MMP24: variants seen among roughly 807,000 people sequenced by gnomAD.
MMP24 encodes matrix metalloproteinase-24.
Under a neutral mutation model 62.8 loss-of-function variants are expected in MMP24, and 25 were observed. The ratio of observed to expected loss-of-function variants is 0.40; its 90% CI spans 0.29 to 0.56. The LOEUF is 0.56. MMP24 is among the 20% of genes least tolerant of loss of function. MMP24 has a pLI of 0.50. For synonymous variants in MMP24, 319 were observed against 350.5 expected (o/e 0.91, Z 1.00); for missense variants, 634 against 853.6 (o/e 0.74, Z 3.21).
intron 2 of MMP24, among the ~76,000 whole-genome samples, 157 bp downstream of exon 2, chr20:35,247,145 G>A (rs1465014855): frequency 6.6e-6 from 1 of 152,092 alleles, no homozygotes; most frequent in East Asian, 1.9e-4. Context: ...GTGAGTTGGG[G>A]GTGTGCTGGG....
rs1012362027 is a variant in MMP24, at chr20:35,274,665, A to G, written c.*56A>G. 3 of 1,427,666 alleles carry G rather than the reference A, an allele frequency of 2.1e-6. No homozygotes were observed. In the Admixed American group the frequency reaches 6.5e-5, roughly 31 times the overall value. 88.4% of individuals were successfully genotyped at this position (1,427,666 alleles called of 1,614,324 possible). ...CTGGCCAGCCAGGCCCTTCCTCACC[A>G]GGGTCTGAGGGGCAGCTCTGGCCAG... is the stretch of plus-strand genomic sequence containing the variant. On this transcript the variant is annotated 3_prime_UTR_variant, in exon 9 of 9. Transcript: ENST00000246186. The surrounding 1 kb of genome is among the most constrained non-coding windows in gnomAD (Gnocchi z 5.1).
At chr20:35,243,414 GT>G (rs1394579718) in intron 1 of MMP24, among the ~76,000 whole-genome samples, 1 of 152,062 alleles carries the variant, frequency 6.6e-6, no homozygotes, top group Non-Finnish European at 1.5e-5. Flanking sequence ...TTTATTGTGG[GT>G]TTACTTGTCA....
At position 35,269,804 on chromosome 20, in the gene MMP24, C is replaced by T. The variant is rs1219754048; in HGVS notation, c.1239C>T (p.Gly413=). Residue 413 remains glycine (G), a synonymous_variant, in exon 7 of 9, where the codon GGC becomes GGT. Transcript: ENST00000246186. The surrounding 1 kb of genome is among the most constrained non-coding windows in gnomAD (Gnocchi z 4.6). ...WRLRNNRVQE[G]YPMQIEQFWK... is the part of the protein sequence containing the mutation. ...TGCGCAATAACCGAGTGCAGGAGGGCTACCCCATGCAGATCGAGCAGTTCT... is the reference window on the plus strand; with the variant it reads ...TGCGCAATAACCGAGTGCAGGAGGGTTACCCCATGCAGATCGAGCAGTTCT... The T allele has an allele frequency of 1.3e-6, 2 of 1,570,424 alleles. No individual in the cohort carries two copies. The highest frequency in any genetic ancestry group is 1.7e-6 in the Non-Finnish European group (2 of 1,158,118).
At chr20:35,250,642 G>A (rs986772628) in intron 2 of MMP24, among the ~76,000 whole-genome samples, 2 of 152,082 alleles carry the variant, frequency 1.3e-5, no homozygotes, top group African/African-American at 2.4e-5. Context: ...GTTGGCTCAG[G>A]GTTCCACAGG....
At chr20:35,243,369 G>A (rs1375771075) in intron 1 of MMP24, among the ~76,000 whole-genome samples, 2 of 152,124 alleles carry the variant, frequency 1.3e-5, no homozygotes, top group Non-Finnish European at 2.9e-5. Context: ...TTCTCCCATA[G>A]AACTCTATGC....
At chr20:35,266,953 G>A (rs1175313759) in intron 5 of MMP24, among the ~76,000 whole-genome samples, 2 of 152,024 alleles carry the variant, frequency 1.3e-5, no homozygotes, top group Non-Finnish European at 2.9e-5. Context: ...TGACCCTAAG[G>A]AAGGACATGA....
chr20:35,275,945 C>A lies in MMP24; in HGVS notation c.*1336C>A. On this transcript the variant is annotated 3_prime_UTR_variant, in exon 9 of 9. Transcript: ENST00000246186. ...TTCCTAGGGCTTGGCCTGCCTTGCT[C>A]CACAGTACGGCGGAGGCAGCCCTGC... 1 of 398,606 alleles carries A rather than the reference C, an allele frequency of 2.5e-6. No homozygotes were observed. Among genetic ancestry groups the A allele is most frequent in the South Asian group, 1.3e-4 (1 of 7,744 alleles). 24.7% of individuals were successfully genotyped at this position (398,606 alleles called of 1,614,324 possible). A position where few individuals can be genotyped will look rare whatever the true frequency, so the allele number is the denominator to read the frequency against.
At chr20:35,249,113 T>C (rs2060531330) in intron 2 of MMP24, among the ~76,000 whole-genome samples, 1 of 152,150 alleles carries the variant, frequency 6.6e-6, no homozygotes, top group African/African-American at 2.4e-5. Flanking sequence ...CAGTTGCACT[T>C]ATTAATCCAA....
intron 1 of MMP24, among the ~76,000 whole-genome samples, chr20:35,237,615 T>A (rs1332614553): frequency 2.0e-5 from 3 of 152,236 alleles, no homozygotes; most frequent in African/African-American, 4.8e-5. Flanking sequence ...CCACAGTGCA[T>A]CATCTCACTG....
At chr20:35,253,875 T>G (rs899345762) in intron 3 of MMP24, among the ~76,000 whole-genome samples, 1 of 150,742 alleles carries the variant, frequency 6.6e-6, no homozygotes, top group African/African-American at 2.5e-5. Context: ...TGGGTTTTTT[T>G]TTTTTTTTTT....
At chr20:35,232,383 T>A (rs1426081477) in intron 1 of MMP24, among the ~76,000 whole-genome samples, 1 of 152,238 alleles carries the variant, frequency 6.6e-6, no homozygotes, top group Non-Finnish European at 1.5e-5. Flanking sequence ...ATAAATATTT[T>A]AAAATTAATT....
intron 1 of MMP24, among the ~76,000 whole-genome samples, chr20:35,227,458 G>A (rs578181015): frequency 1.3e-5 from 2 of 152,090 alleles, no homozygotes; most frequent in South Asian, 2.1e-4. Flanking sequence ...AGGTAGGATA[G>A]ACTTGTTCTA....
chr20:35,260,897 T>G (rs1274098040), intron 4 of MMP24, among the ~76,000 whole-genome samples: 1 of 152,112 alleles, frequency 6.6e-6, no homozygotes, highest in African/African-American at 2.4e-5. Flanking sequence ...CCCACCCCCA[T>G]GTGTCCCTAG....
Position 35,274,128 on chromosome 20 carries a change from A to C in MMP24, c.1601-144A>C. On this transcript the variant is annotated intron_variant, in intron 8 of 8. Transcript: ENST00000246186. The surrounding 1 kb of genome is among the most constrained non-coding windows in gnomAD (Gnocchi z 5.1). ...CCCCTCTGCAGCTTCTTACTCCATG[A>C]CTCAGCCAAGCACTGCACCCCAAAC... 2.6e-6 allele frequency: 2 copies of C among 763,934 alleles called. No individual in the cohort carries two copies. Among genetic ancestry groups the C allele is most frequent in the Non-Finnish European group, 2.1e-6 (1 of 480,728 alleles). The allele number at this position is 763,934 out of a possible 1,614,324, so 47.3% of individuals were successfully genotyped here.
chr20:35,231,520 T>G (rs1279694043), intron 1 of MMP24, among the ~76,000 whole-genome samples: 2 of 152,248 alleles, frequency 1.3e-5, no homozygotes, highest in African/African-American at 4.8e-5. Flanking sequence ...CTACTGTATT[T>G]TTAATTCATT....
At chr20:35,260,264 TC>T (rs374445974) in intron 4 of MMP24, among the ~76,000 whole-genome samples, 133 of 152,244 alleles carry the variant, frequency 8.7e-4, no homozygotes, top group African/African-American at 3.1e-3. Flanking sequence ...GGATACTGGC[TC>T]CCTCGCTCTT....
At chr20:35,229,879 A>G (rs981063179) in intron 1 of MMP24, among the ~76,000 whole-genome samples, 14 of 152,170 alleles carry the variant, frequency 9.2e-5, no homozygotes, top group African/African-American at 3.1e-4. Context: ...TGCTTCTCCA[A>G]TAAACTTTCC....
intron 4 of MMP24, among the ~76,000 whole-genome samples, chr20:35,261,229 G>A (rs1409739558): frequency 1.3e-5 from 2 of 152,214 alleles, no homozygotes; most frequent in Admixed American, 6.5e-5. Flanking sequence ...CAGAAGCCCA[G>A]GGGAGTTGGC....
chr20:35,260,465 G>A (rs1259040041), intron 4 of MMP24, among the ~76,000 whole-genome samples: 2 of 152,238 alleles, frequency 1.3e-5, no homozygotes, highest in Non-Finnish European at 2.9e-5. Flanking sequence ...GACAGCCCCT[G>A]GGGAAGAGCC....
Sources: allele counts gnomAD v4.1 joint callset (sites outside exome capture counted in the v4.1 genomes callset), GRCh38; gene constraint gnomAD v4.1.1; non-coding constraint Gnocchi (gnomAD v3.1); transcripts MANE v1.5; gene names NCBI Gene and HGNC (gene_info 2026-07-23, HGNC 2026-07-21).